The following CA1 variants were observed in gnomAD, a reference collection of about 807,000 sequenced individuals.
The protein encoded by CA1 is carbonate dehydratase I.
A neutral mutation model predicts 28.8 loss-of-function variants in CA1; 27 were observed. The observed-to-expected ratio is 0.94, with a 90% CI of 0.69 to 1.29. The LOEUF is 1.29. Among genes scored for constraint, CA1 ranks in the 50% most tolerant of loss-of-function variants. The pLI, the probability that CA1 is intolerant of heterozygous loss-of-function variation, is 0.00. For synonymous variants in CA1, 121 were observed against 108.8 expected (o/e 1.11, Z -0.70); for missense variants, 335 against 310.5 (o/e 1.08, Z -0.59).
chr8:85,340,292 A>G (rs1310534955), intron 2 of CA1, among the ~76,000 whole-genome samples: 1 of 152,162 alleles, frequency 6.6e-6, no homozygotes, highest in Non-Finnish European at 1.5e-5. Context: ...ATTATACTCA[A>G]TCTACTCTGC....
At chr8:85,352,529 C>T (rs1175780736) in intron 1 of CA1, among the ~76,000 whole-genome samples, 3 of 152,108 alleles carry the variant, frequency 2.0e-5, no homozygotes, top group African/African-American at 2.4e-5. Flanking sequence ...GACCTTAGCC[C>T]CAGTTTTCCA....
chr8:85,349,641 C>T (rs1329805612), intron 1 of CA1, among the ~76,000 whole-genome samples: 1 of 152,136 alleles, frequency 6.6e-6, no homozygotes, highest in Non-Finnish European at 1.5e-5. Flanking sequence ...TTTTGCATCT[C>T]CACAGCTAGC....
At chr8:85,329,956 G>A (rs1808335269) in intron 6 of CA1, 112 bp from the exon 7 acceptor site, 3 of 934,642 alleles carry the variant, frequency 3.2e-6, no homozygotes, top group African/African-American at 1.6e-5. Flanking sequence ...TTTTAGCTAA[G>A]AGTCATTGAT....
At chr8:85,361,201 T>A (rs1300973334) in intron 1 of CA1, among the ~76,000 whole-genome samples, 1 of 152,140 alleles carries the variant, frequency 6.6e-6, no homozygotes, top group Non-Finnish European at 1.5e-5. Context: ...CTGAACTGGT[T>A]CATGGTTGCT....
chr8:85,376,356 G>A (rs1810415726), intron 1 of CA1, among the ~76,000 whole-genome samples: 1 of 150,262 alleles, frequency 6.7e-6, no homozygotes. Context: ...TATAAAAGAG[G>A]TAACTTTAAA....
chr8:85,338,636 CTTTCTTTCTTTCTTTCTTTCTTTCTTT>C (rs1808768455), intron 2 of CA1, among the ~76,000 whole-genome samples, 187 bp from the exon 3 acceptor site: 1 of 3,828 alleles, frequency 2.6e-4, no homozygotes, highest in Non-Finnish European at 1.4e-3. Context: ...CCTTCTTTTT[CTTTCTTTCTTTCTTTCTTTCTTTCTTT>C]CTTTCTTTCT....
intron 4 of CA1, 130 bp from the exon 5 acceptor site, chr8:85,333,750 C>T: frequency 1.5e-6 from 1 of 659,026 alleles, no homozygotes; most frequent in East Asian, 2.9e-5. Context: ...GAACCTTTAT[C>T]CAGTGGATTA....
intron 5 of CA1, among the ~76,000 whole-genome samples, 178 bp downstream of exon 5, chr8:85,333,347 A>G (rs1241920659): frequency 2.6e-5 from 4 of 152,170 alleles, no homozygotes; most frequent in Non-Finnish European, 5.9e-5. Context: ...AAGAGGGAAA[A>G]GCAGAGATAA....
intron 3 of CA1, 192 bp downstream of exon 3, chr8:85,338,060 G>A: frequency 5.7e-6 from 4 of 696,474 alleles, no homozygotes; most frequent in Non-Finnish European, 1.0e-5. Context: ...TGAAAATAGA[G>A]AGCTGGGAGT....
intron 1 of CA1, among the ~76,000 whole-genome samples, chr8:85,360,791 A>G (rs1039820147): frequency 6.6e-6 from 1 of 152,228 alleles, no homozygotes; most frequent in African/African-American, 2.4e-5. Flanking sequence ...CTGTTTCTTA[A>G]GGAAGAAATC....
In CA1 at chr8:85,333,632, A is replaced by G. The variant is rs1255077769; in HGVS notation, c.355-12T>C. On this transcript the variant is annotated splice_polypyrimidine_tract_variant and intron_variant, in intron 4 of 7. Coordinates refer to ENST00000523022, the MANE Select transcript of CA1 (RefSeq NM_001128831.4). ...TGAGCTACGTGAAGCTAAAAATGAT[A>G]CTATGGTTAATTAATTATTTATACC... 6.6e-7 allele frequency: 1 copy of G among 1,526,538 alleles called. No individual in the cohort carries two copies. Among genetic ancestry groups the G allele is most frequent in the Non-Finnish European group, 9.1e-7 (1 of 1,101,918 alleles). 94.6% of individuals were successfully genotyped at this position (1,526,538 alleles called of 1,614,324 possible). A position where few individuals can be genotyped will look rare whatever the true frequency, so the allele number is the denominator to read the frequency against.
intron 1 of CA1, among the ~76,000 whole-genome samples, chr8:85,377,802 CAA>C (rs1253880823): frequency 7.5e-6 from 1 of 133,588 alleles, no homozygotes; most frequent in Admixed American, 7.5e-5. Flanking sequence ...GACTCTGTCT[CAA>C]AAAAAAAAAA....
intron 5 of CA1, 136 bp from the exon 6 acceptor site, chr8:85,332,688 T>A (rs1031131729): frequency 3.8e-5 from 26 of 682,942 alleles, no homozygotes; most frequent in Non-Finnish European, 2.7e-6. Context: ...AAGGGGAGAT[T>A]TTTCAAGCTG....
chr8:85,354,993 G>A (rs564553676), intron 1 of CA1, among the ~76,000 whole-genome samples: 13 of 152,280 alleles, frequency 8.5e-5, no homozygotes, highest in African/African-American at 3.1e-4. Flanking sequence ...TTGACCTGTG[G>A]TTGGTCTTAT....
chr8:85,357,433 G>T (rs1489074597), intron 1 of CA1, among the ~76,000 whole-genome samples: 1 of 150,814 alleles, frequency 6.6e-6, no homozygotes, highest in Non-Finnish European at 1.5e-5. Context: ...ATGGGGAAAA[G>T]AATCCTACCT....
chr8:85,331,257 T>C (rs548467194), intron 6 of CA1, among the ~76,000 whole-genome samples: 11 of 152,196 alleles, frequency 7.2e-5, no homozygotes, highest in Admixed American at 4.6e-4. Context: ...ATAAAAAATT[T>C]TGTCTCTTAA....
At chr8:85,344,167 T>C (rs1809040050) in intron 1 of CA1, among the ~76,000 whole-genome samples, 1 of 132,950 alleles carries the variant, frequency 7.5e-6, no homozygotes, top group Non-Finnish European at 1.6e-5. Context: ...CTGTATATTA[T>C]ATACTGTATA....
chr8:85,375,209 G>A (rs1279832872), intron 1 of CA1, among the ~76,000 whole-genome samples: 3 of 152,058 alleles, frequency 2.0e-5, no homozygotes, highest in Non-Finnish European at 4.4e-5. Flanking sequence ...TCTCCACTGT[G>A]CTATTCCACC....
chr8:85,366,710 A>G (rs1468658669), intron 1 of CA1, among the ~76,000 whole-genome samples: 1 of 152,224 alleles, frequency 6.6e-6, no homozygotes, highest in Non-Finnish European at 1.5e-5. Context: ...ATTTCAAAAT[A>G]ACCTAAACGG....
Sources: gnomAD v4.1 joint callset for allele counts (sites outside exome capture counted in the v4.1 genomes callset) on GRCh38, gnomAD v4.1.1 for gene constraint, MANE v1.5 for transcripts, NCBI Gene and HGNC (gene_info 2026-07-23, HGNC 2026-07-21) for gene names.